Variants in GABRG1 observed in about 807,000 individuals in gnomAD.
GABRG1 encodes gamma-aminobutyric acid receptor subunit gamma-1.
Under a neutral mutation model 49.8 loss-of-function variants are expected in GABRG1, and 49 were observed. The ratio of observed to expected loss-of-function variants is 0.98; its 90% CI spans 0.78 to 1.25. The LOEUF (loss-of-function observed/expected upper bound fraction) is 1.25. Among genes scored for constraint, GABRG1 ranks in the 50% most tolerant of loss-of-function variants. The pLI, the probability that GABRG1 is intolerant of heterozygous loss-of-function variation, is 0.00. For missense variants in GABRG1, 552 were observed against 552.3 expected, an observed-to-expected ratio of 1.00 and a Z score of 0.01; for synonymous variants, 232 against 185.1, an observed-to-expected ratio of 1.25 and a Z score of -2.06.
chr4:46,064,423 A>G lies in GABRG1; in HGVS notation c.625+18T>C, dbSNP rs1250656221. On this transcript the variant is annotated intron_variant, in intron 5 of 8. Coordinates refer to ENST00000295452, the MANE Select transcript of GABRG1 (RefSeq NM_173536.4). ...AAGGTTAAAATTCTATGAAATTATC[A>G]AGTGTTTTGTTACTTACAGCTTGAA... is the stretch of plus-strand genomic sequence containing the variant. The G allele has an allele frequency of 7.6e-7, 1 of 1,320,016 alleles. No individual in the cohort carries two copies. The highest frequency in any genetic ancestry group is 1.0e-6 in the Non-Finnish European group (1 of 959,260). 81.8% of individuals were successfully genotyped at this position (1,320,016 alleles called of 1,614,324 possible).
intron 3 of GABRG1, among the ~76,000 whole-genome samples, chr4:46,075,623 A>C (rs976556761): frequency 6.6e-6 from 1 of 152,098 alleles, no homozygotes; most frequent in African/African-American, 2.4e-5. Context: ...GGGGTTATGA[A>C]GGTTTGAAAA....
chr4:46,093,980 A>C (rs1402955614), intron 2 of GABRG1, among the ~76,000 whole-genome samples: 2 of 152,004 alleles, frequency 1.3e-5, no homozygotes, highest in Admixed American at 1.3e-4. Context: ...TTTCAGACCC[A>C]GATTAAATTA....
At chr4:46,078,596 T>C (rs967163285) in intron 3 of GABRG1, among the ~76,000 whole-genome samples, 33 of 152,042 alleles carry the variant, frequency 2.2e-4, no homozygotes, top group African/African-American at 7.9e-4. Flanking sequence ...GAATAAATTA[T>C]ATGGAAAGAA....
intron 7 of GABRG1, among the ~76,000 whole-genome samples, chr4:46,057,064 G>T (rs1577636340): frequency 6.6e-6 from 1 of 151,936 alleles, no homozygotes; most frequent in Admixed American, 6.6e-5. Context: ...GAAAAATATG[G>T]AAATAGAAAC....
At chr4:46,043,476 A>C (rs1717864605) in intron 8 of GABRG1, among the ~76,000 whole-genome samples, 1 of 152,062 alleles carries the variant, frequency 6.6e-6, no homozygotes, top group Non-Finnish European at 1.5e-5. Flanking sequence ...AAATAGCCAA[A>C]AATCTAACAC....
chr4:46,064,398 A>G (rs922227901), intron 5 of GABRG1, 43 bp downstream of exon 5: 3 of 1,038,736 alleles, frequency 2.9e-6, no homozygotes, highest in Non-Finnish European at 4.2e-6. Context: ...AACAGCTTCT[A>G]AGGTTAAAAT....
chr4:46,095,787 C>T (rs1391132476), intron 2 of GABRG1, among the ~76,000 whole-genome samples: 4 of 151,760 alleles, frequency 2.6e-5, no homozygotes, highest in Non-Finnish European at 4.4e-5. Context: ...ATAACTTTAG[C>T]AAAATATACC....
intron 2 of GABRG1, among the ~76,000 whole-genome samples, chr4:46,094,830 A>G (rs1314850444): frequency 6.6e-6 from 1 of 151,970 alleles, no homozygotes; most frequent in African/African-American, 2.4e-5. Flanking sequence ...CTTGTAGAAC[A>G]CCCAGAAACC....
At chr4:46,047,163 A>T (rs1294933696) in intron 8 of GABRG1, among the ~76,000 whole-genome samples, 1 of 152,056 alleles carries the variant, frequency 6.6e-6, no homozygotes, top group African/African-American at 2.4e-5. Context: ...GATACTGAAT[A>T]TTATATTTTG....
intron 1 of GABRG1, among the ~76,000 whole-genome samples, chr4:46,122,243 A>G (rs983242847): frequency 2.0e-5 from 3 of 152,118 alleles, no homozygotes; most frequent in Admixed American, 2.0e-4. Flanking sequence ...GTTTATTTAA[A>G]ATAAAACATC....
chr4:46,046,684 G>C (rs1718011523), intron 8 of GABRG1, among the ~76,000 whole-genome samples: 2 of 151,258 alleles, frequency 1.3e-5, no homozygotes, highest in South Asian at 4.1e-4. Flanking sequence ...GCGGTGCCAG[G>C]GGGGACCCAA....
At chr4:46,097,172 A>G (rs370566478) in intron 2 of GABRG1, 29 bp downstream of exon 2, 2 of 1,580,464 alleles carry the variant, frequency 1.3e-6, no homozygotes, top group African/African-American at 2.7e-5. Context: ...AATGGTCATC[A>G]AAATCCCAGA....
intron 3 of GABRG1, among the ~76,000 whole-genome samples, chr4:46,075,242 C>T (rs1719284364): frequency 6.6e-6 from 1 of 151,898 alleles, no homozygotes; most frequent in Non-Finnish European, 1.5e-5. Context: ...TGAAAATGGC[C>T]TAGACTAGTA....
At chr4:46,050,165 T>C (rs1718161071) in intron 8 of GABRG1, among the ~76,000 whole-genome samples, 1 of 151,934 alleles carries the variant, frequency 6.6e-6, no homozygotes, top group African/African-American at 2.4e-5. Flanking sequence ...GATTTGTCCA[T>C]TCAGGAGACA....
chr4:46,110,974 A>G (rs1720693699), intron 1 of GABRG1, among the ~76,000 whole-genome samples: 1 of 151,178 alleles, frequency 6.6e-6, no homozygotes, highest in African/African-American at 2.4e-5. Flanking sequence ...CTCCTATTCA[A>G]CGTAAGACTA....
chr4:46,093,714 G>A (rs1353642), intron 2 of GABRG1, among the ~76,000 whole-genome samples: 92,964 of 151,672 alleles, frequency 0.61, 30,329 homozygotes, highest in African/African-American at 0.84. Flanking sequence ...CCCCATAAAT[G>A]TATACATCCA....
intron 2 of GABRG1, among the ~76,000 whole-genome samples, chr4:46,089,518 C>A (rs528794896): frequency 6.6e-6 from 1 of 152,204 alleles, no homozygotes; most frequent in Middle Eastern, 3.4e-3. Context: ...CCTCTTACCC[C>A]CACAGTGTCA....
intron 1 of GABRG1, among the ~76,000 whole-genome samples, chr4:46,106,375 T>A (rs554606005): frequency 2.1e-4 from 32 of 151,616 alleles, no homozygotes; most frequent in Admixed American, 1.1e-3. Context: ...TTTATGTATT[T>A]ACATTGGTTT....
chr4:46,046,719 T>C (rs892383593), intron 8 of GABRG1, among the ~76,000 whole-genome samples: 45 of 152,070 alleles, frequency 3.0e-4, no homozygotes, highest in African/African-American at 1.0e-3. Flanking sequence ...ATTATTTTCA[T>C]CCTAATATCT....
Sources: allele counts gnomAD v4.1 joint callset (sites outside exome capture counted in the v4.1 genomes callset), GRCh38; gene constraint gnomAD v4.1.1; transcripts MANE v1.5; gene names NCBI Gene and HGNC (gene_info 2026-07-23, HGNC 2026-07-21).